RASGRF1: variants seen among roughly 807,000 people sequenced by gnomAD.
RASGRF1 encodes the protein Ras protein specific guanine nucleotide releasing factor 1, also known as ras-specific guanine nucleotide-releasing factor 1.
In RASGRF1, 40 loss-of-function variants were observed where a neutral mutation model predicts 138.7. That is an observed-to-expected ratio of 0.29 (90% CI 0.22 to 0.38). The LOEUF (loss-of-function observed/expected upper bound fraction) is 0.38, where lower values mean the gene tolerates loss of function less well. Among genes scored for constraint, RASGRF1 ranks in the 10% least tolerant of loss-of-function variants. The pLI, the probability that RASGRF1 is intolerant of heterozygous loss-of-function variation, is 1.00. For missense variants in RASGRF1, 1,108 were observed against 1,650.4 expected (o/e 0.67, Z 5.69); for synonymous variants, 614 against 663.2 (o/e 0.93, Z 1.14).
chr15:79,014,180 A>G (rs2056842719), intron 13 of RASGRF1, among the ~76,000 whole-genome samples: 1 of 152,240 alleles, frequency 6.6e-6, no homozygotes, highest in African/African-American at 2.4e-5. Flanking sequence ...TATGGAAATC[A>G]GTGTGGAGAT....
At chr15:78,998,573 G>T in intron 18 of RASGRF1, 146 bp downstream of exon 18, 1 of 690,936 alleles carries the variant, frequency 1.4e-6, no homozygotes, top group East Asian at 2.7e-5. Context: ...GAACATCAGG[G>T]TGGCACATTT....
chr15:78,992,431 G>A (rs1304153457), intron 20 of RASGRF1, among the ~76,000 whole-genome samples: 1 of 152,250 alleles, frequency 6.6e-6, no homozygotes, highest in African/African-American at 2.4e-5. Flanking sequence ...GGAAACGTTA[G>A]CCAGAGGACA....
At chr15:79,081,663 G>A (rs1255475804) in intron 1 of RASGRF1, among the ~76,000 whole-genome samples, 1 of 152,122 alleles carries the variant, frequency 6.6e-6, no homozygotes, top group Non-Finnish European at 1.5e-5. Flanking sequence ...GCTCTCCTGT[G>A]TGCCAGCAGG....
At chr15:78,996,196 A>G (rs1428674544) in intron 19 of RASGRF1, among the ~76,000 whole-genome samples, 1 of 152,226 alleles carries the variant, frequency 6.6e-6, no homozygotes, top group Non-Finnish European at 1.5e-5. Flanking sequence ...AAGGAAGCAC[A>G]GGGAGTGGGG....
intron 14 of RASGRF1, 91 bp from the exon 15 acceptor site, chr15:79,004,266 G>A (rs376642523): frequency 7.0e-7 from 1 of 1,418,486 alleles, no homozygotes. Flanking sequence ...GCTCGGAGTG[G>A]CAGCAACGGC....
rs551506008 is a variant in RASGRF1 at position 79,005,892 on chromosome 15, C to T, written c.2075+294G>A. 2.8e-3 allele frequency among the ~76,000 whole-genome samples: 421 copies of T among 152,144 alleles called. 3 individuals carry two copies. Among genetic ancestry groups the T allele is most frequent in the African/African-American group, 9.8e-3 (408 of 41,484 alleles). On this transcript the variant is annotated intron_variant, in intron 14 of 26. Transcript: ENST00000558480. The stretch of plus-strand genomic sequence containing the variant: ...CGGTGGGACCCTGTGCTTCCAGGAG[C>T]GGGGCTAAGAGGTGAGAGCACCCTC...
intron 2 of RASGRF1, among the ~76,000 whole-genome samples, chr15:79,062,997 CCA>C (rs2057628987): frequency 1.3e-5 from 2 of 152,074 alleles, no homozygotes; most frequent in South Asian, 4.2e-4. Context: ...CCAATCTAAC[CCA>C]TTAAGTCTGA....
intron 5 of RASGRF1, among the ~76,000 whole-genome samples, chr15:79,041,694 C>T (rs1343520113): frequency 6.6e-6 from 1 of 152,192 alleles, no homozygotes; most frequent in Non-Finnish European, 1.5e-5. Context: ...CAGAAAGGGG[C>T]ATGACATACC....
At chr15:79,018,272 T>C (rs559671070) in intron 11 of RASGRF1, among the ~76,000 whole-genome samples, 2 of 152,356 alleles carry the variant, frequency 1.3e-5, no homozygotes, top group African/African-American at 4.8e-5. Flanking sequence ...AATGGGCCTC[T>C]CAGCCAGGCC....
At chr15:79,033,957 T>A (rs1326324213) in intron 6 of RASGRF1, among the ~76,000 whole-genome samples, 1 of 152,174 alleles carries the variant, frequency 6.6e-6, no homozygotes, top group Non-Finnish European at 1.5e-5. Context: ...CTTTAGAGGG[T>A]AGCTCATGTG....
At chr15:78,977,759 T>C (rs1423646083) in intron 24 of RASGRF1, among the ~76,000 whole-genome samples, 2 of 152,220 alleles carry the variant, frequency 1.3e-5, no homozygotes, top group African/African-American at 2.4e-5. Flanking sequence ...TTCCTCTAAA[T>C]CAAGGGCTTC....
chr15:78,977,165 G>A (rs1051751431), intron 24 of RASGRF1, among the ~76,000 whole-genome samples: 3 of 152,222 alleles, frequency 2.0e-5, no homozygotes, highest in African/African-American at 7.2e-5. Flanking sequence ...CCCGAGACAA[G>A]CAATGAGTCC....
intron 1 of RASGRF1, among the ~76,000 whole-genome samples, chr15:79,088,084 G>A (rs1184564106): frequency 1.3e-5 from 2 of 152,178 alleles, no homozygotes; most frequent in African/African-American, 2.4e-5. Context: ...GCCAAGAGTT[G>A]GATGATTTGA....
rs1006126370 is a variant in RASGRF1 at position 79,028,911 on chromosome 15, T to C, written c.1263-1052A>G. Among the ~76,000 whole-genome samples, 48 of 152,362 alleles carry C rather than the reference T, an allele frequency of 3.2e-4. 1 individual carries two copies. Among genetic ancestry groups the C allele is most frequent in the Admixed American group, 6.5e-5 (1 of 15,306 alleles). ...GTGCTTAACTGAATCAGCATGACATTGACCAGACTCCTCAATCCCTCTGAT... is the reference window on the plus strand; with the variant it reads ...GTGCTTAACTGAATCAGCATGACATCGACCAGACTCCTCAATCCCTCTGAT... On this transcript the variant is annotated intron_variant, in intron 8 of 26. Transcript: ENST00000558480.
At chr15:79,052,385 G>A (rs1396635345) in intron 3 of RASGRF1, among the ~76,000 whole-genome samples, 1 of 152,220 alleles carries the variant, frequency 6.6e-6, no homozygotes, top group East Asian at 1.9e-4. Flanking sequence ...TTTTCAAGCA[G>A]GTGCCACACA....
intron 10 of RASGRF1, among the ~76,000 whole-genome samples, chr15:79,023,039 T>C (rs1175315370): frequency 6.6e-6 from 1 of 151,878 alleles, no homozygotes; most frequent in Non-Finnish European, 1.5e-5. Context: ...CCGGGCATGG[T>C]GGTGGGCTCC....
At chr15:79,047,889 A>G (rs930923001) in intron 4 of RASGRF1, among the ~76,000 whole-genome samples, 2 of 152,142 alleles carry the variant, frequency 1.3e-5, no homozygotes, top group African/African-American at 4.8e-5. Flanking sequence ...GCTGTCTCCA[A>G]ACAGCAGGTA....
intron 1 of RASGRF1, among the ~76,000 whole-genome samples, chr15:79,070,356 C>T (rs1417724211): frequency 6.6e-6 from 1 of 152,226 alleles, no homozygotes; most frequent in Non-Finnish European, 1.5e-5. Context: ...AAAAGGGAGA[C>T]AGATGCTTCA....
At chr15:79,021,932 A>G (rs553949390) in intron 10 of RASGRF1, among the ~76,000 whole-genome samples, 1 of 152,350 alleles carries the variant, frequency 6.6e-6, no homozygotes, top group South Asian at 2.1e-4. Flanking sequence ...TTATCCAGTG[A>G]GCACTGAGCG....
Sources: allele counts gnomAD v4.1 joint callset (sites outside exome capture counted in the v4.1 genomes callset), GRCh38; gene constraint gnomAD v4.1.1; transcripts MANE v1.5; gene names NCBI Gene and HGNC (gene_info 2026-07-23, HGNC 2026-07-21).